UBR4: variants seen among roughly 807,000 people sequenced by gnomAD.
UBR4 encodes the protein ubiquitin protein ligase E3 component n-recognin 4.
UBR4 carries 124 observed loss-of-function variants against 575.6 expected under a neutral mutation model. That is an observed-to-expected ratio of 0.22 (90% confidence interval 0.19 to 0.25). UBR4 has a LOEUF of 0.25. Ranked by LOEUF, UBR4 falls within the 10% of genes least tolerant of loss-of-function variation. The probability of loss-of-function intolerance (pLI) is 1.00; values close to 1 mark genes in which losing one functional copy is unlikely to be tolerated. For missense variants in UBR4, 4,818 were observed against 6,478.8 expected, an observed-to-expected ratio of 0.74 and a Z score of 8.80; for synonymous variants, 2,455 against 2,473.7, an observed-to-expected ratio of 0.99 and a Z score of 0.22.
chr1:19,111,235 C>T (rs1007766403), intron 78 of UBR4, among the ~76,000 whole-genome samples: 8 of 152,208 alleles, frequency 5.3e-5, no homozygotes, highest in Admixed American at 5.2e-4. Context: ...TTCCAGTTTA[C>T]GTCTCTTTGT....
intron 55 of UBR4, among the ~76,000 whole-genome samples, chr1:19,142,901 C>T (rs113564245): frequency 6.6e-6 from 1 of 151,846 alleles, no homozygotes; most frequent in South Asian, 2.1e-4. Flanking sequence ...GCGGGCGGAT[C>T]ATTTGAGGTC....
chr1:19,165,588 A>G (rs2088204872), intron 30 of UBR4, 68 bp downstream of exon 30: 2 of 1,493,410 alleles, frequency 1.3e-6, no homozygotes, highest in Non-Finnish European at 1.8e-6. Context: ...CTAAATCAAC[A>G]TATATAGCTC....
chr1:19,115,699 A>C, intron 73 of UBR4, 62 bp from the exon 74 acceptor site: 2 of 1,588,704 alleles, frequency 1.3e-6, no homozygotes, highest in Non-Finnish European at 1.7e-6. Context: ...CAGTCTGATG[A>C]GACAAAGAGG....
chr1:19,186,369 G>A (rs575048009), intron 14 of UBR4, among the ~76,000 whole-genome samples, 171 bp downstream of exon 14: 1 of 152,220 alleles, frequency 6.6e-6, no homozygotes, highest in Non-Finnish European at 1.5e-5. Context: ...AGCTCAACTT[G>A]CTCTTAAATA....
At chr1:19,178,018 G>A (rs1409968536) in intron 18 of UBR4, among the ~76,000 whole-genome samples, 6 of 152,120 alleles carry the variant, frequency 3.9e-5, no homozygotes, top group Admixed American at 2.6e-4. Flanking sequence ...TAACACAGGC[G>A]TGTTAATGCC....
chr1:19,169,039 T>G (rs1319788707), intron 27 of UBR4, among the ~76,000 whole-genome samples: 2 of 150,990 alleles, frequency 1.3e-5, no homozygotes, highest in Admixed American at 6.6e-5. Context: ...AAAGCGACCC[T>G]GTAAAACTGT....
intron 21 of UBR4, 105 bp downstream of exon 21, chr1:19,174,849 T>C: frequency 2.9e-6 from 3 of 1,036,920 alleles, no homozygotes; most frequent in South Asian, 1.5e-5. Flanking sequence ...ACAGACCACA[T>C]TTCCTCACTA....
intron 49 of UBR4, among the ~76,000 whole-genome samples, chr1:19,148,916 C>T (rs78545298): frequency 0.018 from 2,813 of 152,316 alleles, 88 homozygotes; most frequent in African/African-American, 0.064. Context: ...CTTCTGCTGC[C>T]TGTGGCAGGG....
intron 42 of UBR4, 25 bp downstream of exon 42, chr1:19,156,246 T>C (rs770716550): frequency 2.5e-6 from 4 of 1,611,408 alleles, no homozygotes; most frequent in African/African-American, 1.3e-5. Context: ...TCTAGGACCA[T>C]ATCATCAAAG....
chr1:19,168,080 A>G lies in UBR4; in HGVS notation c.3846T>C (p.Ala1282=), dbSNP rs1262157713. 1 of 1,613,920 alleles carries G rather than the reference A, an allele frequency of 6.2e-7. No homozygotes were observed. The highest frequency in any genetic ancestry group is 1.1e-5 in the South Asian group (1 of 91,050). The change falls in exon 28 of 106, where the codon GCT becomes GCC. Residue 1282 remains alanine, a synonymous_variant. Coordinates refer to ENST00000375254, the MANE Select transcript of UBR4 (RefSeq NM_020765.3). ...TLCSQSLPLA[A]SLKHTLLSLV... is the part of the protein sequence containing the mutation. ...GTGAGAGGAGGGTATGCTTCAGGGA[A>G]GCAGCCAGGGGCAGACTTTGGCTAC... is the stretch of plus-strand genomic sequence containing the variant.
At position 19,152,600 on chromosome 1, in the gene UBR4, C is replaced by A; in HGVS notation, c.6833-124G>T. ...AATCTAAGCAAACTCTGGATTATAACATTTGCATCGGCATGATGCCTACAT... is the reference window on the plus strand; with the variant it reads ...AATCTAAGCAAACTCTGGATTATAAAATTTGCATCGGCATGATGCCTACAT... On this transcript the variant is annotated intron_variant, in intron 46 of 105. Transcript: ENST00000375254. The surrounding 1 kb of genome is among the most constrained non-coding windows in gnomAD (Gnocchi z 4.4). The A allele has an allele frequency of 7.7e-7, 1 of 1,303,432 alleles. No homozygotes were observed. The highest frequency in any genetic ancestry group is 1.1e-6 in the Non-Finnish European group (1 of 939,870). 80.7% of individuals were successfully genotyped at this position (1,303,432 alleles called of 1,614,324 possible).
chr1:19,195,571 A>G (rs2092401067), intron 8 of UBR4, among the ~76,000 whole-genome samples: 1 of 152,190 alleles, frequency 6.6e-6, no homozygotes, highest in Admixed American at 6.5e-5. Context: ...AATAAACCCC[A>G]AATTTAAAAA....
rs1205512433 is a variant in UBR4, at chr1:19,157,408, G to A, written c.5760+407C>T. 6.6e-6 allele frequency among the ~76,000 whole-genome samples: 1 copy of A among 152,220 alleles called. No homozygotes were observed. ...TACAAACTTACTTATGTGCTTAACA[G>A]AGCTGGGATGGCACGGCAGCACTAC... On this transcript the variant is annotated intron_variant, in intron 40 of 105. Transcript: ENST00000375254. The surrounding 1 kb of genome is among the most constrained non-coding windows in gnomAD (Gnocchi z 4.4).
At chr1:19,165,856 T>C in intron 29 of UBR4, 99 bp from the exon 30 acceptor site, 1 of 1,020,602 alleles carries the variant, frequency 9.8e-7, no homozygotes, top group East Asian at 2.6e-5. Context: ...CTGTTTGACC[T>C]TGAGGGCAAT....
chr1:19,190,977 T>A (rs2092028303), intron 11 of UBR4, among the ~76,000 whole-genome samples: 1 of 152,182 alleles, frequency 6.6e-6, no homozygotes, highest in South Asian at 2.1e-4. Flanking sequence ...TGACCTAATT[T>A]TCTACCACTC....
chr1:19,083,281 A>C (rs2076700243), intron 102 of UBR4, among the ~76,000 whole-genome samples: 1 of 152,204 alleles, frequency 6.6e-6, no homozygotes, highest in South Asian at 2.1e-4. Flanking sequence ...GTGTTTTAAC[A>C]ATGAAGCCTG....
At chr1:19,143,268 A>AAGAAAG (rs2084309100) in intron 55 of UBR4, among the ~76,000 whole-genome samples, 1 of 52,428 alleles carries the variant, frequency 1.9e-5, no homozygotes, top group African/African-American at 6.4e-5. Context: ...GGAAGAAAGA[A>AAGAAAG]AGAAAGAAAG....
intron 77 of UBR4, chr1:19,113,105 C>A: frequency 2.0e-6 from 1 of 499,586 alleles, no homozygotes; most frequent in Non-Finnish European, 3.5e-6. Context: ...AGATGGCAGG[C>A]TTATGCTCTT....
intron 104 of UBR4, among the ~76,000 whole-genome samples, chr1:19,077,300 C>T (rs2076039534): frequency 6.6e-6 from 1 of 152,196 alleles, no homozygotes; most frequent in Non-Finnish European, 1.5e-5. Context: ...AAGCTGGCTG[C>T]GGTAAGTCAG....
Sources: allele counts gnomAD v4.1 joint callset (sites outside exome capture counted in the v4.1 genomes callset), GRCh38; gene constraint gnomAD v4.1.1; non-coding constraint Gnocchi (gnomAD v3.1); transcripts MANE v1.5; gene names NCBI Gene and HGNC (gene_info 2026-07-23, HGNC 2026-07-21).